The following TIPIN variants were observed in gnomAD, a reference collection of about 807,000 sequenced individuals.
TIPIN encodes the protein TIMELESS-interacting protein.
TIPIN carries 29 observed loss-of-function variants against 35.6 expected under a neutral mutation model. The observed-to-expected ratio is 0.82, with a 90% CI of 0.61 to 1.11. The LOEUF is 1.11. Among genes scored for constraint, TIPIN ranks in the 50% most tolerant of loss-of-function variants. The probability of loss-of-function intolerance (pLI) is 0.00; values close to 1 mark genes in which losing one functional copy is unlikely to be tolerated. For synonymous variants in TIPIN, 102 were observed against 121.5 expected (o/e 0.84, Z 1.06); for missense variants, 296 against 345.4 (o/e 0.86, Z 1.13).
At chr15:66,337,241 A>C in intron 7 of TIPIN, 60 bp from the exon 8 acceptor site, 1 of 1,340,368 alleles carries the variant, frequency 7.5e-7, no homozygotes, top group South Asian at 1.4e-5. Context: ...TTACCGCATG[A>C]GTACAAACCT....
At chr15:66,339,303 G>A (rs2093069288) in intron 7 of TIPIN, among the ~76,000 whole-genome samples, 1 of 151,050 alleles carries the variant, frequency 6.6e-6, no homozygotes, top group Non-Finnish European at 1.5e-5. Context: ...TAGAGACGGG[G>A]ACTCACTATG....
intron 6 of TIPIN, among the ~76,000 whole-genome samples, chr15:66,343,920 C>A (rs62627316): frequency 6.6e-6 from 1 of 152,016 alleles, no homozygotes; most frequent in East Asian, 1.9e-4. Context: ...ATCACTTGAA[C>A]CCGGGAGGCA....
chr15:66,340,852 C>T (rs1250078396), intron 7 of TIPIN, among the ~76,000 whole-genome samples: 1 of 152,100 alleles, frequency 6.6e-6, no homozygotes, highest in African/African-American at 2.4e-5. Flanking sequence ...CTACCTTGGC[C>T]TCCCAAAGTG....
At chr15:66,382,438 C>T in intron 1 of TIPIN, 1 of 945,392 alleles carries the variant, frequency 1.1e-6, no homozygotes, top group Non-Finnish European at 1.3e-6. Context: ...GGCTGGTGTG[C>T]AAGATCATGG....
intron 6 of TIPIN, among the ~76,000 whole-genome samples, chr15:66,344,880 T>C (rs772129641): frequency 6.6e-6 from 1 of 151,870 alleles, no homozygotes; most frequent in African/African-American, 2.4e-5. Flanking sequence ...AAGAAATAAG[T>C]AAATAAAAAT....
In TIPIN at chr15:66,342,757, T is replaced by A. The variant is rs371619789; in HGVS notation, c.476-1401A>T. 3.7e-4 allele frequency among the ~76,000 whole-genome samples: 57 copies of A among 152,326 alleles called. 1 individual carries two copies. The East Asian group carries it at 4.2e-3, about 11-fold the overall frequency. On this transcript the variant is annotated intron_variant, in intron 6 of 7. Transcript: ENST00000261881. The stretch of plus-strand genomic sequence containing the variant: ...AGAAATTTAAAACTTTATGGACATA[T>A]TTCCAAATTAATTTCTTTTTAAATT...
rs150637465 is a variant in TIPIN, at chr15:66,355,138, A to G, written c.-9+1501T>C. ...AAGCTCCGCCTCCCGGGTTCTCGCC[A>G]TTCTCCTGCCTCAGCCTCCCGAATA... On this transcript the variant is annotated intron_variant, in intron 1 of 7. Coordinates refer to ENST00000261881, the MANE Select transcript of TIPIN (RefSeq NM_017858.3). Among the ~76,000 whole-genome samples, 735 of 141,814 alleles carry G rather than the reference A, an allele frequency of 5.2e-3. 8 individuals are homozygous for G. Among genetic ancestry groups the G allele is most frequent in the African/African-American group, 0.019 (715 of 37,732 alleles). 93.0% of individuals were successfully genotyped at this position (141,814 alleles called of 152,430 possible).
At chr15:66,371,708 G>A (rs1181457927) in intron 1 of TIPIN, among the ~76,000 whole-genome samples, 4 of 151,776 alleles carry the variant, frequency 2.6e-5, no homozygotes, top group Admixed American at 1.3e-4. Context: ...TAGTGGAGAC[G>A]GGGTTTCACC....
At chr15:66,384,571 G>C (rs2093329513) in intron 1 of TIPIN, among the ~76,000 whole-genome samples, 1 of 152,124 alleles carries the variant, frequency 6.6e-6, no homozygotes, top group African/African-American at 2.4e-5. Flanking sequence ...TGGGATTACA[G>C]GTGGTAGCCG....
At chr15:66,360,394 C>T (rs2093226008), upstream of TIPIN, among the ~76,000 whole-genome samples, 2 of 152,038 alleles carry the variant, frequency 1.3e-5, no homozygotes, top group Admixed American at 1.3e-4. Context: ...TTGCTTGAGT[C>T]CAGGAGTCCC....
chr15:66,377,904 T>C (rs1048274473), intron 1 of TIPIN, among the ~76,000 whole-genome samples: 3 of 152,072 alleles, frequency 2.0e-5, no homozygotes, highest in Non-Finnish European at 2.9e-5. Context: ...AGGAGTGCAA[T>C]TGCACGATTT....
rs1483305950 is a variant in TIPIN, at chr15:66,337,113, C to T, written c.751G>A (p.Glu251Lys). ...ATGTCTTCGTTTAATCCATTTGACT[C>T]CTCCTTTTGATCCTCATCAGTATTA... ...EVNTDEDQKEESNGLNEDILD... is the reference protein window; with the variant it reads ...EVNTDEDQKEKSNGLNEDILD... The change falls in exon 8 of 8, where the codon GAG (glutamate) becomes AAG (lysine). Residue 251 changes from glutamate to lysine, a missense_variant. Glu to Lys is a moderately conservative substitution (Grantham distance 56). Transcript: ENST00000261881. 6.2e-7 allele frequency: 1 copy of T among 1,614,032 alleles called. No homozygotes were observed. Among genetic ancestry groups the T allele is most frequent in the East Asian group, 2.2e-5 (1 of 44,858 alleles).
chr15:66,349,576 A>T, intron 4 of TIPIN, 139 bp from the exon 5 acceptor site: 2 of 1,126,700 alleles, frequency 1.8e-6, no homozygotes, highest in Non-Finnish European at 2.5e-6. Context: ...TTATAAAAGG[A>T]ACTTTAATAA....
intron 1 of TIPIN, among the ~76,000 whole-genome samples, chr15:66,363,041 G>C (rs148159940): frequency 1.3e-5 from 2 of 152,206 alleles, no homozygotes; most frequent in African/African-American, 4.8e-5. Flanking sequence ...AGGCCAGAGA[G>C]TTAAGATCAG....
intron 1 of TIPIN, chr15:66,371,511 ATTGT>A (rs765287352): frequency 4.2e-5 from 20 of 475,038 alleles, no homozygotes; most frequent in Non-Finnish European, 4.3e-5. Flanking sequence ...TTCTCTGGTA[ATTGT>A]TTCTTTTTTT....
chr15:66,360,683 A>G (rs980442310), upstream of TIPIN, among the ~76,000 whole-genome samples: 1 of 151,884 alleles, frequency 6.6e-6, no homozygotes, highest in African/African-American at 2.4e-5. Flanking sequence ...AACAAAAATT[A>G]GGCCTGATGC....
At chr15:66,378,743 ATT>A (rs138832748) in intron 1 of TIPIN, among the ~76,000 whole-genome samples, 1 of 146,078 alleles carries the variant, frequency 6.8e-6, no homozygotes, top group Non-Finnish European at 1.5e-5. Context: ...TTTCTTCCAT[ATT>A]TTTTTTTTTG....
chr15:66,365,478 G>C (rs62011746), intron 1 of TIPIN, among the ~76,000 whole-genome samples: 8,594 of 152,268 alleles, frequency 0.056, 344 homozygotes, highest in Middle Eastern at 0.11. Context: ...CACCCGTTTA[G>C]TATATAATCA....
At position 66,351,557 on chromosome 15, in the gene TIPIN, C is replaced by T; in HGVS notation, c.256G>A (p.Asp86Asn). The T allele has an allele frequency of 6.2e-7, 1 of 1,613,396 alleles. No homozygotes were observed. The highest frequency in any genetic ancestry group is 8.5e-7 in the Non-Finnish European group (1 of 1,179,692). ...CCTTTACCTTTGAATTTTGCCTTATCAAATACATGCCTTAAGGCTGGAAGT... is the reference window on the plus strand; with the variant it reads ...CCTTTACCTTTGAATTTTGCCTTATTAAATACATGCCTTAAGGCTGGAAGT... ...RGLPALRHVFDKAKFKGKGHE... is the reference protein window; with the variant it reads ...RGLPALRHVFNKAKFKGKGHE... Residue 86 changes from aspartate (D) to asparagine (N), a missense_variant, in exon 4 of 8, where the codon GAT becomes AAT. By Grantham distance (23) the Asp-to-Asn change is conservative (BLOSUM62 1). Transcript: ENST00000261881.
Sources: allele counts gnomAD v4.1 joint callset (sites outside exome capture counted in the v4.1 genomes callset), GRCh38; gene constraint gnomAD v4.1.1; transcripts MANE v1.5; gene names NCBI Gene and HGNC (gene_info 2026-07-23, HGNC 2026-07-21).